Variants in TBC1D30 observed in about 807,000 individuals in gnomAD.
TBC1D30 encodes TBC1 domain family, member 30.
In TBC1D30, 31 loss-of-function variants were observed where a neutral mutation model predicts 63.2. The observed-to-expected ratio is 0.49, with a 90% CI of 0.37 to 0.66. The LOEUF (loss-of-function observed/expected upper bound fraction) is 0.66. TBC1D30 is among the 30% of genes least tolerant of loss of function. The probability of loss-of-function intolerance (pLI) is 0.00; values close to 1 mark genes in which losing one functional copy is unlikely to be tolerated. For missense variants in TBC1D30, 810 were observed against 953.6 expected, an observed-to-expected ratio of 0.85 and a Z score of 1.98; for synonymous variants, 307 against 361.5, an observed-to-expected ratio of 0.85 and a Z score of 1.71.
At chr12:64,808,856 T>C (rs1873037440) in intron 2 of TBC1D30, among the ~76,000 whole-genome samples, 1 of 151,974 alleles carries the variant, frequency 6.6e-6, no homozygotes, top group East Asian at 1.9e-4. Flanking sequence ...GATTATATAA[T>C]ATAGTAATAT....
chr12:64,877,737 T>C lies in TBC1D30; in HGVS notation c.*1949T>C, dbSNP rs1452318186. On this transcript the variant is annotated 3_prime_UTR_variant, in exon 12 of 12. Transcript: ENST00000539867. ...CAAAGTTAAGCAAATGACACCATTT[T>C]CTTCCATCAGCTAAACTTTACAGAT... The C allele has an allele frequency of 1.3e-5, 2 of 152,290 alleles. No individual in the cohort carries two copies. The highest frequency in any genetic ancestry group is 1.3e-4 in the Admixed American group (2 of 15,290). 9.4% of individuals were successfully genotyped at this position (152,290 alleles called of 1,614,324 possible).
rs540731658 is a variant in TBC1D30 at position 64,848,439 on chromosome 12, G to A, written c.1038+4954G>A. 5.3e-5 allele frequency among the ~76,000 whole-genome samples: 8 copies of A among 151,986 alleles called. No individual in the cohort carries two copies. In the South Asian group the frequency reaches 1.0e-3, roughly 20 times the overall value. ...TCCCTCCCTTAGCCCCATACCCCGC[G>A]ACAGGCCCCGGTATGTGATGTTCCC... is the stretch of plus-strand genomic sequence containing the variant. On this transcript the variant is annotated intron_variant, in intron 8 of 11. Transcript: ENST00000539867.
At chr12:64,780,589 C>T (rs560094177) in exon 1 of TBC1D30, among the ~76,000 whole-genome samples, 72 of 152,346 alleles carry the variant, frequency 4.7e-4, no homozygotes, top group African/African-American at 1.6e-3. Context: ...CCAGGTAGCT[C>T]AGTGGCGTGG....
chr12:64,784,062 T>C (rs957934597), intron 1 of TBC1D30, among the ~76,000 whole-genome samples: 15 of 151,838 alleles, frequency 9.9e-5, no homozygotes, highest in African/African-American at 3.4e-4. Flanking sequence ...TATTTAATCA[T>C]ATTTTCATTT....
chr12:64,808,418 A>T (rs560796071), intron 2 of TBC1D30, among the ~76,000 whole-genome samples: 1 of 152,208 alleles, frequency 6.6e-6, no homozygotes, highest in East Asian at 1.9e-4. Context: ...GCCTGTCTCA[A>T]TGCTCTGTGT....
intron 2 of TBC1D30, among the ~76,000 whole-genome samples, chr12:64,792,450 G>T (rs1871979697): frequency 6.6e-6 from 1 of 152,214 alleles, no homozygotes; most frequent in African/African-American, 2.4e-5. Context: ...CCTTTCAGAA[G>T]ATAAACTATA....
At chr12:64,781,374 G>T in intron 1 of TBC1D30, 2 of 1,020,398 alleles carry the variant, frequency 2.0e-6, no homozygotes, top group Non-Finnish European at 2.4e-6. Context: ...GCGCACCTGG[G>T]CTGCTCGGCG....
chr12:64,838,355 A>G (rs1875548977), intron 6 of TBC1D30, among the ~76,000 whole-genome samples: 1 of 152,182 alleles, frequency 6.6e-6, no homozygotes, highest in Non-Finnish European at 1.5e-5. Flanking sequence ...TGCTTTTGAG[A>G]GGCTTAAGTC....
chr12:64,875,179 G>A lies in TBC1D30; in HGVS notation c.1677G>A (p.Thr559=), dbSNP rs780234013. 7.8e-6 allele frequency: 12 copies of A among 1,536,328 alleles called. No individual in the cohort carries two copies. Among genetic ancestry groups the A allele is most frequent in the South Asian group, 1.2e-5 (1 of 84,058 alleles). The part of the protein sequence containing the change: ...ISPVPYEDLK[T]KLNSPWRTHI... ...CTGTCCCCTACGAAGACCTTAAGACGAAGCTCAACTCCCCGTGGCGAACTC... is the reference window on the plus strand; with the variant it reads ...CTGTCCCCTACGAAGACCTTAAGACAAAGCTCAACTCCCCGTGGCGAACTC... Residue 559 remains threonine, a synonymous_variant, in exon 12 of 12, where the codon ACG becomes ACA. Coordinates refer to ENST00000539867, the MANE Select transcript of TBC1D30 (RefSeq NM_015279.2).
intron 2 of TBC1D30, among the ~76,000 whole-genome samples, chr12:64,803,504 T>G (rs1484715464): frequency 6.6e-6 from 1 of 152,220 alleles, no homozygotes; most frequent in African/African-American, 2.4e-5. Flanking sequence ...TTAGTTTAAT[T>G]AGATCCCATT....
intron 2 of TBC1D30, among the ~76,000 whole-genome samples, chr12:64,792,909 A>T (rs1302075160): frequency 6.6e-6 from 1 of 152,104 alleles, no homozygotes; most frequent in African/African-American, 2.4e-5. Context: ...AGGTTGGGGG[A>T]GAGGCTTGCT....
chr12:64,793,489 C>CAAAAAAAAAAA (rs56138627), intron 2 of TBC1D30, among the ~76,000 whole-genome samples: 1 of 115,490 alleles, frequency 8.7e-6, no homozygotes, highest in Admixed American at 8.9e-5. Context: ...ACCAAAAATA[C>CAAAAAAAAAAA]AAAAAAAAAA....
In TBC1D30 at chr12:64,875,633, C is replaced by T. The variant is rs1315959815; in HGVS notation, c.2131C>T (p.Pro711Ser). Residue 711 changes from proline (P) to serine (S), a missense_variant, in exon 12 of 12, where the codon CCT (proline) becomes TCT (serine). This residue lies in a region of TBC1D30 where 450 missense variants were observed against 473.0 expected (regional missense o/e 0.95). Transcript: ENST00000539867. ...GSNSKTPIFS[P>S]FPSVKPLRKS... ...CAACTCAAAAACCCCCATCTTTAGCCCTTTTCCCAGCGTCAAGCCCCTGCG... is the reference window on the plus strand; with the variant it reads ...CAACTCAAAAACCCCCATCTTTAGCTCTTTTCCCAGCGTCAAGCCCCTGCG... 1 of 1,536,282 alleles carries T rather than the reference C, an allele frequency of 6.5e-7. No individual in the cohort carries two copies. The highest frequency in any genetic ancestry group is 8.7e-7 in the Non-Finnish European group (1 of 1,146,938).
At position 64,878,998 on chromosome 12, in the gene TBC1D30, C is replaced by G. The variant is rs1879281114; in HGVS notation, c.*3210C>G. ...AATAGATGTATAGTTGCTGCCATCT[C>G]CCCATATAAAAACTCTCTTTACATC... On this transcript the variant is annotated 3_prime_UTR_variant, in exon 12 of 12. Coordinates refer to ENST00000539867, the MANE Select transcript of TBC1D30 (RefSeq NM_015279.2). The G allele has an allele frequency of 6.6e-6, 1 of 152,438 alleles. No individual in the cohort carries two copies. Among genetic ancestry groups the G allele is most frequent in the Admixed American group, 6.5e-5 (1 of 15,324 alleles). 9.4% of individuals were successfully genotyped at this position (152,438 alleles called of 1,614,324 possible).
chr12:64,804,495 G>A (rs372555476), intron 2 of TBC1D30, among the ~76,000 whole-genome samples: 1 of 152,094 alleles, frequency 6.6e-6, no homozygotes, highest in Non-Finnish European at 1.5e-5. Flanking sequence ...TTTCCTGCCT[G>A]ATTGCCCTGG....
intron 8 of TBC1D30, among the ~76,000 whole-genome samples, chr12:64,852,787 G>T (rs995503311): frequency 2.6e-5 from 4 of 152,172 alleles, no homozygotes; most frequent in Admixed American, 6.5e-5. Flanking sequence ...GTCCACTCCA[G>T]ACCCTGTTTT....
chr12:64,869,830 A>G (rs1878514369), intron 10 of TBC1D30, among the ~76,000 whole-genome samples: 1 of 152,262 alleles, frequency 6.6e-6, no homozygotes, highest in East Asian at 1.9e-4. Context: ...CTCTCAGCAG[A>G]TGTTAGGATA....
At chr12:64,855,324 G>A (rs1038957626) in intron 8 of TBC1D30, among the ~76,000 whole-genome samples, 1 of 152,018 alleles carries the variant, frequency 6.6e-6, no homozygotes, top group Non-Finnish European at 1.5e-5. Flanking sequence ...GGTTAAATCT[G>A]TTGGTGTTCT....
intron 2 of TBC1D30, among the ~76,000 whole-genome samples, chr12:64,815,731 ACTTGT>A (rs909516935): frequency 2.0e-5 from 3 of 152,194 alleles, no homozygotes; most frequent in Admixed American, 6.5e-5. Context: ...AACTTCCAAT[ACTTGT>A]CTTGAACTCT....
Sources: allele counts gnomAD v4.1 joint callset (sites outside exome capture counted in the v4.1 genomes callset), GRCh38; gene constraint gnomAD v4.1.1; regional missense constraint gnomAD v4.1.1; transcripts MANE v1.5; gene names NCBI Gene and HGNC (gene_info 2026-07-23, HGNC 2026-07-21).